ERCC6L: variants seen among roughly 807,000 people sequenced by gnomAD.
ERCC6L encodes DNA excision repair protein ERCC-6-like.
ERCC6L carries 7 observed loss-of-function variants against 20.1 expected under a neutral mutation model. The ratio of observed to expected loss-of-function variants is 0.35; its 90% confidence interval spans 0.20 to 0.65. The LOEUF (loss-of-function observed/expected upper bound fraction) is 0.65. Ranked by LOEUF, ERCC6L falls within the 30% of genes least tolerant of loss-of-function variation. The probability of loss-of-function intolerance (pLI) is 0.69; values close to 1 mark genes in which losing one functional copy is unlikely to be tolerated. For synonymous variants in ERCC6L, 278 were observed against 331.3 expected (o/e 0.84, Z 1.75); for missense variants, 592 against 892.4 (o/e 0.66, Z 4.29).
intron 1 of ERCC6L, among the ~76,000 whole-genome samples, chrX:72,216,554 C>T (rs1050675628): frequency 1.8e-5 from 2 of 111,778 alleles, no homozygotes; most frequent in East Asian, 5.6e-4. Flanking sequence ...AACTCTGTAC[C>T]CATTAAGCTA....
At chrX:72,238,228 C>T (rs750619122) in intron 1 of ERCC6L, among the ~76,000 whole-genome samples, 1 of 112,054 alleles carries the variant, frequency 8.9e-6, no homozygotes, top group Non-Finnish European at 1.9e-5. Context: ...TACTTTACCA[C>T]AATTTAAGAA....
intron 1 of ERCC6L, among the ~76,000 whole-genome samples, chrX:72,221,585 C>T (rs2042923637): frequency 9.0e-6 from 1 of 111,462 alleles, no homozygotes; most frequent in South Asian, 3.8e-4. Flanking sequence ...ACTTGGCTTA[C>T]CGGGAAGCAT....
chrX:72,223,679 C>T (rs1010449196), intron 1 of ERCC6L, among the ~76,000 whole-genome samples: 1 of 111,565 alleles, frequency 9.0e-6, no homozygotes, highest in African/African-American at 3.3e-5. Context: ...GTGTCTTTAA[C>T]AACAGAGACA....
chrX:72,217,599 G>A (rs1332458556), intron 1 of ERCC6L, among the ~76,000 whole-genome samples: 5 of 111,222 alleles, frequency 4.5e-5, no homozygotes, highest in African/African-American at 1.6e-4. Flanking sequence ...TGCATATATT[G>A]TGAAATATAC....
chrX:72,214,672 C>CAA (rs58451189), intron 1 of ERCC6L, among the ~76,000 whole-genome samples: 104 of 41,930 alleles, frequency 2.5e-3, no homozygotes, highest in African/African-American at 6.6e-3. Flanking sequence ...GACTCCATCT[C>CAA]AAAAAAAAAA....
rs757416133 is a variant in ERCC6L at position 72,207,109 on chromosome X, A to C, written c.1658T>G (p.Ile553Ser). The C allele has an allele frequency of 8.3e-7, 1 of 1,212,000 alleles. No individual in the cohort carries two copies. The highest frequency in any genetic ancestry group is 2.2e-5 in the Admixed American group (1 of 46,027). Residue 553 changes from isoleucine to serine, a missense_variant, in exon 2 of 2, where the codon ATT becomes AGT. Physicochemically the swap from Ile to Ser is moderately radical, Grantham distance 142. Transcript: ENST00000334463. Reference protein sequence around the residue: ...LTLTAATRVVIFDPSWNPATD... With the variant: ...LTLTAATRVVSFDPSWNPATD... ...TGCAGGATTCCAGCTAGGGTCAAAA[A>C]TGACCACTCTAGTTGCTGCAGTTAA... is the stretch of plus-strand genomic sequence containing the variant.
Position 72,207,163 on chromosome X carries a change from G to A in ERCC6L, c.1604C>T (p.Thr535Ile). 1 of 1,211,027 alleles carries A rather than the reference G, an allele frequency of 8.3e-7. No individual in the cohort carries two copies. Among genetic ancestry groups the A allele is most frequent in the East Asian group, 3.0e-5 (1 of 33,835 alleles). Residue 535 changes from threonine to isoleucine, a missense_variant, in exon 2 of 2, where the codon ACC becomes ATC. Transcript: ENST00000334463. The part of the protein sequence containing the change: ...QNKDYSVFLL[T>I]TQVGGVGLTL... ...TAAACCGACACCACCTACTTGAGTG[G>A]TAAGCAGAAAAACAGAGTAATCTTT...
Position 72,205,341 on chromosome X carries a change from T to C in ERCC6L, c.3426A>G (p.Thr1142=). 3 of 1,212,252 alleles carry C rather than the reference T, an allele frequency of 2.5e-6. No individual in the cohort carries two copies. The highest frequency in any genetic ancestry group is 3.3e-6 in the Non-Finnish European group (3 of 895,626). The change falls in exon 2 of 2, where the codon ACA becomes ACG. Residue 1142 remains threonine (T), a synonymous_variant. Transcript: ENST00000334463. ...EESSGEASKY[T]EEDPSGETLS... ...GTGTTTCTCCGGAAGGATCCTCTTC[T>C]GTATACTTGGAGGCTTCGCCACTGC...
rs2043035135 is a variant in ERCC6L at position 72,238,988 on chromosome X, A to T, written c.-77T>A. ...TTGGAGCTTGGAGCTTGGAGCTTAG[A>T]GTTTGGAGCTTGAATTTCGCTCACT... On this transcript the variant is annotated 5_prime_UTR_variant, in exon 1 of 2. Coordinates refer to ENST00000334463, the MANE Select transcript of ERCC6L (RefSeq NM_017669.4). 1 of 994,402 alleles carries T rather than the reference A, an allele frequency of 1.0e-6. No homozygotes were observed. The highest frequency in any genetic ancestry group is 1.9e-5 in the African/African-American group (1 of 53,027). The allele number at this position is 994,402 out of a possible 1,213,427, so 81.9% of individuals were successfully genotyped here. A position where few individuals can be genotyped will look rare whatever the true frequency, so the allele number is the denominator to read the frequency against.
intron 1 of ERCC6L, among the ~76,000 whole-genome samples, chrX:72,228,372 C>G (rs182216506): frequency 2.7e-5 from 3 of 111,927 alleles, no homozygotes; most frequent in Non-Finnish European, 3.8e-5. Context: ...ATACCCACAG[C>G]AGCAAAACTC....
intron 1 of ERCC6L, chrX:72,237,688 G>A (rs2043025448): frequency 9.1e-6 from 1 of 110,201 alleles, no homozygotes; most frequent in Non-Finnish European, 1.9e-5. Context: ...CATGAGCCCC[G>A]GGGGATGGAA....
Position 72,234,101 on chromosome X carries a change from C to T in ERCC6L, c.68+4743G>A, listed in dbSNP as rs770682441. ...CTCCAGCCTGGGCAACAGAGCAAGA[C>T]TCCGTCTCAAAAAAAAAAAAGAATA... On this transcript the variant is annotated intron_variant, in intron 1 of 1. Transcript: ENST00000334463. Among the ~76,000 whole-genome samples the T allele has an allele frequency of 2.1e-3, 225 of 109,274 alleles. 1 individual carries two copies. Among genetic ancestry groups the T allele is most frequent in the African/African-American group, 7.3e-3 (218 of 29,940 alleles). The allele number at this position is 109,274 out of a possible 115,157, so 94.9% of individuals were successfully genotyped here.
chrX:72,207,345 A>G lies in ERCC6L; in HGVS notation c.1422T>C (p.Asp474=). The change falls in exon 2 of 2, where the codon GAT becomes GAC. Residue 474 remains aspartate (D), a synonymous_variant. Transcript: ENST00000334463. Reference sequence around the variant, plus strand: ...AAAACACCAGAGTTTGATGTCCCTCATCTCGCAGCCTCTTAAGTAGGTCCA... The same window carrying G: ...AAAACACCAGAGTTTGATGTCCCTCGTCTCGCAGCCTCTTAAGTAGGTCCA... The part of the protein sequence containing the change: ...FLMDLLKRLR[D]EGHQTLVFSQ... The G allele has an allele frequency of 1.7e-6, 2 of 1,211,382 alleles. No homozygotes were observed. Among genetic ancestry groups the G allele is most frequent in the Non-Finnish European group, 2.2e-6 (2 of 895,317 alleles).
chrX:72,227,491 TC>T (rs1295055196), intron 1 of ERCC6L, among the ~76,000 whole-genome samples: 1 of 112,081 alleles, frequency 8.9e-6, no homozygotes, highest in Non-Finnish European at 1.9e-5. Context: ...CCCTTAATGC[TC>T]AGCCCCTTTG....
chrX:72,236,082 T>C (rs12394422), intron 1 of ERCC6L, among the ~76,000 whole-genome samples: 46,781 of 110,314 alleles, frequency 0.42, 8,904 homozygotes, highest in East Asian at 0.98. Context: ...TTTGTTGGAA[T>C]TGGTATTCTA....
At chrX:72,209,917 T>C (rs916591240) in intron 1 of ERCC6L, among the ~76,000 whole-genome samples, 24 of 111,036 alleles carry the variant, frequency 2.2e-4, no homozygotes, top group African/African-American at 7.2e-4. Flanking sequence ...ACTCATACCA[T>C]ACACAAAAAT....
chrX:72,228,393 C>T (rs1397762626), intron 1 of ERCC6L, among the ~76,000 whole-genome samples: 1 of 111,746 alleles, frequency 8.9e-6, no homozygotes, highest in Non-Finnish European at 1.9e-5. Flanking sequence ...CAGGGACTCC[C>T]CAACTGGTTT....
chrX:72,226,059 T>A (rs1392881796), intron 1 of ERCC6L, among the ~76,000 whole-genome samples: 1 of 111,564 alleles, frequency 9.0e-6, no homozygotes, highest in African/African-American at 3.3e-5. Flanking sequence ...AAGCTCCATC[T>A]CATCCTCCTG....
intron 1 of ERCC6L, among the ~76,000 whole-genome samples, chrX:72,229,487 C>T (rs777151741): frequency 8.9e-6 from 1 of 111,829 alleles, no homozygotes; most frequent in South Asian, 3.8e-4. Context: ...TCTCCCTGGC[C>T]TCCTCCTTGT....
Sources: allele counts gnomAD v4.1 joint callset (sites outside exome capture counted in the v4.1 genomes callset), GRCh38; gene constraint gnomAD v4.1.1; transcripts MANE v1.5; gene names NCBI Gene and HGNC (gene_info 2026-07-23, HGNC 2026-07-21).